ARHGAP10: variants seen among roughly 807,000 people sequenced by gnomAD.
ARHGAP10 encodes rho GTPase-activating protein 10.
Under a neutral mutation model 108.6 loss-of-function variants are expected in ARHGAP10, and 87 were observed. That is an observed-to-expected ratio of 0.80 (90% CI 0.67 to 0.96). The LOEUF is 0.96. Among genes scored for constraint, ARHGAP10 ranks in the 40% least tolerant of loss-of-function variants. ARHGAP10 has a pLI of 0.00. For missense variants in ARHGAP10, 939 were observed against 954.5 expected (o/e 0.98, Z 0.21); for synonymous variants, 347 against 341.1 (o/e 1.02, Z -0.19).
chr4:148,006,536 G>A (rs1042273788), intron 18 of ARHGAP10, among the ~76,000 whole-genome samples: 3 of 152,192 alleles, frequency 2.0e-5, no homozygotes, highest in Non-Finnish European at 4.4e-5. Context: ...CCACTGTGGA[G>A]CATTAGAGAG....
chr4:147,904,517 A>G (rs943632337), intron 10 of ARHGAP10, among the ~76,000 whole-genome samples: 3 of 152,080 alleles, frequency 2.0e-5, no homozygotes, highest in Admixed American at 1.3e-4. Flanking sequence ...TTTACTGATA[A>G]TGATGATTTC....
intron 1 of ARHGAP10, among the ~76,000 whole-genome samples, chr4:147,752,627 A>G (rs947897254): frequency 1.3e-5 from 2 of 151,610 alleles, no homozygotes; most frequent in African/African-American, 4.9e-5. Flanking sequence ...TCCTGGGCTC[A>G]AGTGATTCTT....
Position 147,866,811 on chromosome 4 carries a change from C to A in ARHGAP10, c.697C>A (p.Gln233Lys). 6.2e-7 allele frequency: 1 copy of A among 1,602,816 alleles called. No homozygotes were observed. The highest frequency in any genetic ancestry group is 8.5e-7 in the Non-Finnish European group (1 of 1,170,294). ...CAAAATGGAACTACAGATCAACATT[C>A]AGAATGTAAGGAAGTGAAAGCTTTC... Reference protein sequence around the residue: ...HYKMELQINIQNTRNRFEGTR... With the variant: ...HYKMELQINIKNTRNRFEGTR... Residue 233 changes from glutamine (Q) to lysine (K), a missense_variant, in exon 7 of 23, where the codon CAG (glutamine) becomes AAG (lysine). Physicochemically the swap from Gln to Lys is moderately conservative, Grantham distance 53. Transcript: ENST00000336498.
intron 18 of ARHGAP10, among the ~76,000 whole-genome samples, chr4:147,983,174 G>C (rs1739894564): frequency 7.1e-6 from 1 of 141,518 alleles, no homozygotes; most frequent in Admixed American, 7.3e-5. Flanking sequence ...GAGCCATGGT[G>C]CCTGGCTGCT....
At chr4:148,008,993 GGT>G (rs1368167645) in intron 18 of ARHGAP10, among the ~76,000 whole-genome samples, 2 of 151,782 alleles carry the variant, frequency 1.3e-5, no homozygotes, top group Non-Finnish European at 2.9e-5. Flanking sequence ...AATATGTAAT[GGT>G]TTAGTATTAA....
chr4:147,911,994 C>CGTGTGTGTGTGT (rs36217593), intron 12 of ARHGAP10, among the ~76,000 whole-genome samples: 1 of 135,434 alleles, frequency 7.4e-6, no homozygotes, highest in African/African-American at 2.9e-5. Flanking sequence ...AGAACATTCA[C>CGTGTGTGTGTGT]GTGTGTGTGT....
intron 18 of ARHGAP10, among the ~76,000 whole-genome samples, chr4:147,977,779 G>C (rs1436507721): frequency 1.3e-5 from 2 of 152,016 alleles, no homozygotes; most frequent in Admixed American, 1.3e-4. Flanking sequence ...TACTCAACAG[G>C]AAGTTTTTCC....
chr4:147,946,704 G>C lies in ARHGAP10; in HGVS notation c.1391G>C (p.Arg464Thr). 6.3e-7 allele frequency: 1 copy of C among 1,598,624 alleles called. No individual in the cohort carries two copies. The highest frequency in any genetic ancestry group is 8.5e-7 in the Non-Finnish European group (1 of 1,174,026). Residue 464 changes from arginine (R) to threonine (T), a missense_variant and splice_region_variant, in exon 15 of 23, where the codon AGG becomes ACG. Arg to Thr is a moderately conservative substitution (Grantham distance 71). Coordinates refer to ENST00000336498, the MANE Select transcript of ARHGAP10 (RefSeq NM_024605.4). ...ACAAGTGCCTTGAAACAGTATTTGA[G>C]GTAAGCTCCTCTCAGTAGCAAGAAA... ...TITSALKQYLRSLPEPLMTYE... is the reference protein window; with the variant it reads ...TITSALKQYLTSLPEPLMTYE...
chr4:148,006,456 C>G (rs1411853022), intron 18 of ARHGAP10, among the ~76,000 whole-genome samples: 1 of 152,202 alleles, frequency 6.6e-6, no homozygotes, highest in African/African-American at 2.4e-5. Context: ...AGCGTCTGAT[C>G]ATTGTTGCTG....
chr4:147,841,323 A>T (rs1168197695), intron 3 of ARHGAP10, among the ~76,000 whole-genome samples: 2 of 152,224 alleles, frequency 1.3e-5, no homozygotes, highest in Non-Finnish European at 2.9e-5. Flanking sequence ...TAGGAATATG[A>T]TTATGTAATC....
At chr4:147,882,035 A>G in intron 10 of ARHGAP10, 103 bp downstream of exon 10, 1 of 1,038,774 alleles carries the variant, frequency 9.6e-7, no homozygotes, top group Non-Finnish European at 1.5e-6. Flanking sequence ...GCCTGGGAGA[A>G]TGTTATCTTG....
intron 10 of ARHGAP10, among the ~76,000 whole-genome samples, chr4:147,882,642 G>C (rs957329226): frequency 1.3e-5 from 2 of 152,096 alleles, no homozygotes; most frequent in Admixed American, 1.3e-4. Context: ...TCTACATCCT[G>C]TACGTGATGG....
At chr4:148,023,942 G>C (rs1223421409) in intron 19 of ARHGAP10, among the ~76,000 whole-genome samples, 1 of 152,252 alleles carries the variant, frequency 6.6e-6, no homozygotes, top group Admixed American at 6.5e-5. Flanking sequence ...CTGGGCTGCA[G>C]TGGAACTCTG....
intron 5 of ARHGAP10, 156 bp from the exon 6 acceptor site, chr4:147,864,690 C>T (rs1349810613): frequency 1.9e-5 from 11 of 591,486 alleles, no homozygotes; most frequent in Non-Finnish European, 3.0e-5. Context: ...GCAGACAATA[C>T]ATAAATGAAT....
intron 18 of ARHGAP10, among the ~76,000 whole-genome samples, chr4:147,978,248 A>G (rs946312735): frequency 4.6e-5 from 7 of 152,154 alleles, no homozygotes; most frequent in African/African-American, 1.7e-4. Flanking sequence ...GAAATGTCCA[A>G]CTGCTTTCCA....
chr4:147,998,393 T>C (rs764978257), intron 18 of ARHGAP10, among the ~76,000 whole-genome samples: 40 of 152,352 alleles, frequency 2.6e-4, no homozygotes, highest in Non-Finnish European at 3.4e-4. Flanking sequence ...TCAGATATTT[T>C]CACTGCTGAA....
chr4:147,993,757 T>C (rs1740364903), intron 18 of ARHGAP10, among the ~76,000 whole-genome samples: 1 of 152,242 alleles, frequency 6.6e-6, no homozygotes, highest in African/African-American at 2.4e-5. Context: ...GATTTACCTA[T>C]TCCATTCACA....
At chr4:148,015,689 T>G (rs948203670) in intron 18 of ARHGAP10, among the ~76,000 whole-genome samples, 1 of 152,202 alleles carries the variant, frequency 6.6e-6, no homozygotes, top group Non-Finnish European at 1.5e-5. Context: ...AAGTCGTAGG[T>G]CGAAGTTCAG....
intron 19 of ARHGAP10, among the ~76,000 whole-genome samples, chr4:148,042,379 T>C (rs1054450784): frequency 6.6e-6 from 1 of 152,212 alleles, no homozygotes; most frequent in Admixed American, 6.5e-5. Flanking sequence ...TTACATTAGA[T>C]ACAAAGTTCT....
Sources: allele counts gnomAD v4.1 joint callset (sites outside exome capture counted in the v4.1 genomes callset), GRCh38; gene constraint gnomAD v4.1.1; transcripts MANE v1.5; gene names NCBI Gene and HGNC (gene_info 2026-07-23, HGNC 2026-07-21).